The following KIAA0319 variants were observed in gnomAD, a reference collection of about 807,000 sequenced individuals.
KIAA0319 encodes the protein KIAA0319, also known as dyslexia-associated protein KIAA0319.
In KIAA0319, 83 loss-of-function variants were observed where a neutral mutation model predicts 108.4. The observed-to-expected ratio is 0.77, with a 90% CI of 0.64 to 0.92. The LOEUF (loss-of-function observed/expected upper bound fraction) is 0.92, where lower values mean the gene tolerates loss of function less well. Among genes scored for constraint, KIAA0319 ranks in the 40% least tolerant of loss-of-function variants. KIAA0319 has a pLI of 0.00. For synonymous variants in KIAA0319, 484 were observed against 510.4 expected, an observed-to-expected ratio of 0.95 and a Z score of 0.70; for missense variants, 1,195 against 1,322.4, an observed-to-expected ratio of 0.90 and a Z score of 1.49.
intron 1 of KIAA0319, among the ~76,000 whole-genome samples, chr6:24,616,112 ACT>A (rs1773108306): frequency 6.6e-6 from 1 of 152,058 alleles, no homozygotes; most frequent in South Asian, 2.1e-4. Flanking sequence ...GGTATTAAAG[ACT>A]CTGTTGTATG....
Position 24,590,235 on chromosome 6 carries a change from T to G in KIAA0319, c.802-1450A>C, listed in dbSNP as rs367866201. Among the ~76,000 whole-genome samples, 50 of 150,892 alleles carry G rather than the reference T, an allele frequency of 3.3e-4. 1 individual carries two copies. The South Asian group carries it at 8.6e-3, about 26-fold the overall frequency. ...CTACAAATAGTAACTGAGCCCCTAC[T>G]GGGTTCCAGATATTTACTAGGCAAC... is the stretch of plus-strand genomic sequence containing the variant. On this transcript the variant is annotated intron_variant, in intron 3 of 20. Coordinates refer to ENST00000378214, the MANE Select transcript of KIAA0319 (RefSeq NM_014809.4).
At chr6:24,621,497 G>A (rs1773922322) in intron 1 of KIAA0319, among the ~76,000 whole-genome samples, 1 of 152,146 alleles carries the variant, frequency 6.6e-6, no homozygotes, top group Non-Finnish European at 1.5e-5. Flanking sequence ...ATCTATCTGG[G>A]AGGAAATTGG....
At chr6:24,571,527 T>C (rs1764729340) in intron 11 of KIAA0319, among the ~76,000 whole-genome samples, 1 of 152,136 alleles carries the variant, frequency 6.6e-6, no homozygotes, top group South Asian at 2.1e-4. Context: ...TGACCATACA[T>C]TTACAAAGCC....
chr6:24,559,938 A>T (rs987642385), intron 16 of KIAA0319, among the ~76,000 whole-genome samples: 1 of 152,212 alleles, frequency 6.6e-6, no homozygotes, highest in Non-Finnish European at 1.5e-5. Flanking sequence ...GACACTTCAG[A>T]TAGATGGAAT....
chr6:24,604,965 C>A (rs527828161), intron 1 of KIAA0319, among the ~76,000 whole-genome samples: 1 of 152,282 alleles, frequency 6.6e-6, no homozygotes, highest in South Asian at 2.1e-4. Context: ...TTCAGTCTCC[C>A]AAGTAGCTAG....
At chr6:24,587,684 T>G (rs1368719980) in intron 4 of KIAA0319, among the ~76,000 whole-genome samples, 1 of 152,102 alleles carries the variant, frequency 6.6e-6, no homozygotes, top group Non-Finnish European at 1.5e-5. Context: ...CCTCCTGGGT[T>G]CAAGCAATTC....
chr6:24,600,619 A>T (rs1770476825), intron 2 of KIAA0319: 1 of 1,509,016 alleles, frequency 6.6e-7, no homozygotes, highest in African/African-American at 1.4e-5. Flanking sequence ...GTATACTCAC[A>T]TGGGCTCGGC....
intron 4 of KIAA0319, 137 bp downstream of exon 4, chr6:24,588,456 T>C: frequency 2.8e-6 from 2 of 723,458 alleles, no homozygotes; most frequent in East Asian, 4.9e-5. Flanking sequence ...ATTCCCAGTA[T>C]GCAGCACCGT....
At chr6:24,616,475 A>G (rs1387703786) in intron 1 of KIAA0319, among the ~76,000 whole-genome samples, 1 of 152,164 alleles carries the variant, frequency 6.6e-6, no homozygotes, top group African/African-American at 2.4e-5. Flanking sequence ...CTCCTGCCTC[A>G]GCCTCCCGAG....
At chr6:24,540,970 T>A (rs1760176627), downstream of KIAA0319, among the ~76,000 whole-genome samples, 1 of 152,216 alleles carries the variant, frequency 6.6e-6, no homozygotes, top group South Asian at 2.1e-4. Flanking sequence ...CACCTCTACC[T>A]AATTTGATCA....
chr6:24,572,103 T>C (rs3846835), intron 11 of KIAA0319, among the ~76,000 whole-genome samples: 1 of 152,378 alleles, frequency 6.6e-6, no homozygotes, highest in East Asian at 1.9e-4. Context: ...AGAACTCTTC[T>C]AGAAAAGTTC....
intron 1 of KIAA0319, among the ~76,000 whole-genome samples, chr6:24,638,700 C>T (rs1367988915): frequency 1.3e-5 from 2 of 151,278 alleles, no homozygotes; most frequent in African/African-American, 4.9e-5. Flanking sequence ...GCGGAGCTTG[C>T]AGTGAGCTGA....
intron 3 of KIAA0319, among the ~76,000 whole-genome samples, chr6:24,595,152 A>C (rs1486930648): frequency 6.6e-6 from 1 of 152,150 alleles, no homozygotes; most frequent in Non-Finnish European, 1.5e-5. Flanking sequence ...CAGCCAAAGC[A>C]CCTGTTGGGT....
chr6:24,589,504 G>C (rs1257496261), intron 3 of KIAA0319, among the ~76,000 whole-genome samples: 1 of 152,062 alleles, frequency 6.6e-6, no homozygotes, highest in Non-Finnish European at 1.5e-5. Flanking sequence ...GAGGTAACTG[G>C]ATCATGGGAC....
In KIAA0319 at chr6:24,565,685, G is replaced by A. The variant is rs537036535; in HGVS notation, c.2292+912C>T. On this transcript the variant is annotated intron_variant, in intron 14 of 20. Coordinates refer to ENST00000378214, the MANE Select transcript of KIAA0319 (RefSeq NM_014809.4). ...GGAGAATAGCTCGAACTCGGGCAGCGGAGGTTGCAGTGAGCCGAGATTGCG... is the reference window on the plus strand; with the variant it reads ...GGAGAATAGCTCGAACTCGGGCAGCAGAGGTTGCAGTGAGCCGAGATTGCG... 1.1e-4 allele frequency among the ~76,000 whole-genome samples: 17 copies of A among 150,774 alleles called. No homozygotes were observed. In the South Asian group the frequency reaches 2.9e-3, roughly 26 times the overall value.
chr6:24,582,490 TTATA>T (rs1301187867), intron 5 of KIAA0319, 144 bp from the exon 6 acceptor site: 2 of 354,222 alleles, frequency 5.6e-6, no homozygotes, highest in South Asian at 9.3e-5. Flanking sequence ...TTTTTTTAAC[TTATA>T]TATATATTTT....
intron 3 of KIAA0319, among the ~76,000 whole-genome samples, chr6:24,594,090 T>G (rs1330783883): frequency 2.7e-5 from 4 of 150,504 alleles, no homozygotes; most frequent in Non-Finnish European, 5.9e-5. Context: ...TCTCAGCTAC[T>G]CAGGAGTCTG....
rs1554142479 is a variant in KIAA0319 at position 24,553,292 on chromosome 6, TATAC to T, written c.2948+1245_2948+1248del. Among the ~76,000 whole-genome samples the T allele has an allele frequency of 8.2e-3, 781 of 94,978 alleles. 9 individuals carry two copies. The highest frequency in any genetic ancestry group is 0.019 in the South Asian group (54 of 2,814). 62.3% of individuals were successfully genotyped at this position (94,978 alleles called of 152,430 possible). On this transcript the variant is annotated intron_variant, in intron 19 of 20. Coordinates refer to ENST00000378214, the MANE Select transcript of KIAA0319 (RefSeq NM_014809.4). ...TGAGATAGATATATATATATATATA[TATAC>T]ACACACACACACACACACACACACA...
At chr6:24,612,761 T>C (rs1253527446) in intron 1 of KIAA0319, among the ~76,000 whole-genome samples, 1 of 152,196 alleles carries the variant, frequency 6.6e-6, no homozygotes, top group Non-Finnish European at 1.5e-5. Context: ...TTTTAACATC[T>C]GTGCTGATGA....
Sources: allele counts gnomAD v4.1 joint callset (sites outside exome capture counted in the v4.1 genomes callset), GRCh38; gene constraint gnomAD v4.1.1; transcripts MANE v1.5; gene names NCBI Gene and HGNC (gene_info 2026-07-23, HGNC 2026-07-21).